TENM3: variants seen among roughly 807,000 people sequenced by gnomAD.
TENM3 encodes teneurin transmembrane protein 3.
TENM3 carries 63 observed loss-of-function variants against 255.1 expected under a neutral mutation model. That is an observed-to-expected ratio of 0.25 (90% CI 0.20 to 0.30). TENM3 has a LOEUF of 0.30. Ranked by LOEUF, TENM3 falls within the 10% of genes least tolerant of loss-of-function variation. The probability of loss-of-function intolerance (pLI) is 1.00; values close to 1 mark genes in which losing one functional copy is unlikely to be tolerated. For synonymous variants in TENM3, 1,306 were observed against 1,322.3 expected (o/e 0.99, Z 0.27); for missense variants, 2,929 against 3,461.1 (o/e 0.85, Z 3.86).
intron 1 of TENM3, 31 bp from the exon 2 acceptor site, chr4:182,323,915 C>T: frequency 1.1e-6 from 1 of 920,466 alleles, no homozygotes; most frequent in Non-Finnish European, 1.7e-6. Context: ...GAACGTCATG[C>T]TGACCTCATG....
At chr4:181,562,468 T>C in the TENM3 span, among the ~76,000 whole-genome samples, 3 of 152,208 alleles carry the variant, frequency 2.0e-5, no homozygotes, top group Non-Finnish European at 4.4e-5. Flanking sequence ...CATAATATTC[T>C]AGATGTGGGC....
At position 182,440,584 on chromosome 4, in the gene TENM3, C is replaced by A. The variant is rs1772397001; in HGVS notation, c.511+93655C>A. ...GTTCTCAGCTACCTCCACCCCCAGT[C>A]CTACAGAGGAAGTTCAGAGAAGAGC... On this transcript the variant is annotated intron_variant, in intron 3 of 27. Coordinates refer to ENST00000511685, the MANE Select transcript of TENM3 (RefSeq NM_001080477.4). 2.6e-5 allele frequency among the ~76,000 whole-genome samples: 4 copies of A among 152,072 alleles called. No individual in the cohort carries two copies. In the South Asian group the frequency reaches 8.3e-4, roughly 32 times the overall value.
At chr4:182,713,834 G>A (rs548460201) in intron 12 of TENM3, among the ~76,000 whole-genome samples, 2 of 152,328 alleles carry the variant, frequency 1.3e-5, no homozygotes, top group African/African-American at 4.8e-5. Context: ...CTGGCCTGCA[G>A]CTATTTAGTG....
At chr4:182,012,958 C>T in the TENM3 span, 1 of 151,986 alleles carries the variant, frequency 6.6e-6, no homozygotes, top group African/African-American at 2.4e-5. Flanking sequence ...TTTCACCTTG[C>T]ACTTTCATGG....
chr4:181,674,324 A>G, the TENM3 span, among the ~76,000 whole-genome samples: 1 of 152,102 alleles, frequency 6.6e-6, no homozygotes, highest in East Asian at 1.9e-4. Context: ...AGGACAAAAT[A>G]CAGACTTACT....
chr4:182,774,909 G>T lies in TENM3; in HGVS notation c.5069-9G>T. ...TAATAGTTCATGTTTTGTGCTTCTT[G>T]TTCTTTAGATCAGTTAAGAAACAGC... On this transcript the variant is annotated splice_polypyrimidine_tract_variant and intron_variant, in intron 23 of 27. Coordinates refer to ENST00000511685, the MANE Select transcript of TENM3 (RefSeq NM_001080477.4). 1.3e-6 allele frequency: 2 copies of T among 1,590,530 alleles called. No individual in the cohort carries two copies. Among genetic ancestry groups the T allele is most frequent in the Admixed American group, 1.7e-5 (1 of 59,164 alleles).
chr4:181,552,434 T>C, the TENM3 span, among the ~76,000 whole-genome samples: 2 of 152,190 alleles, frequency 1.3e-5, no homozygotes, highest in South Asian at 4.1e-4. Flanking sequence ...GATGGTGCAA[T>C]AGAAAGCCGA....
At position 182,793,996 on chromosome 4, in the gene TENM3, G is replaced by A. The variant is rs1007603374; in HGVS notation, c.7213+111G>A. 3 of 911,164 alleles carry A rather than the reference G, an allele frequency of 3.3e-6. No individual in the cohort carries two copies. The highest frequency in any genetic ancestry group is 4.9e-6 in the Non-Finnish European group (3 of 612,934). The allele number at this position is 911,164 out of a possible 1,614,324, so 56.4% of individuals were successfully genotyped here. The stretch of plus-strand genomic sequence containing the variant: ...AACTTTATACTTTACTCAGGCAAAG[G>A]CAAATGGCTAACCTTTTAAATGTGT... On this transcript the variant is annotated intron_variant, in intron 26 of 27. Transcript: ENST00000511685. This position sits in a 1 kb window ranked among gnomAD's most constrained non-coding sequence, Gnocchi z 5.7.
chr4:182,279,619 T>G (rs759804735), intron 1 of TENM3, among the ~76,000 whole-genome samples: 1 of 152,238 alleles, frequency 6.6e-6, no homozygotes, highest in African/African-American at 2.4e-5. Flanking sequence ...AATAAGGATG[T>G]AGGTCATGCT....
intron 5 of TENM3, among the ~76,000 whole-genome samples, chr4:182,630,787 A>G (rs766186457): frequency 4.0e-5 from 6 of 151,530 alleles, no homozygotes; most frequent in Non-Finnish European, 7.4e-5. Flanking sequence ...TTTTTTACTA[A>G]ATGGGGCACA....
intron 4 of TENM3, among the ~76,000 whole-genome samples, chr4:182,602,156 T>G (rs1747948914): frequency 6.6e-6 from 1 of 152,236 alleles, no homozygotes; most frequent in Non-Finnish European, 1.5e-5. Context: ...CAACCAACAG[T>G]GGTGTCTTAC....
At chr4:181,636,015 A>G in the TENM3 span, among the ~76,000 whole-genome samples, 2 of 152,082 alleles carry the variant, frequency 1.3e-5, no homozygotes, top group South Asian at 2.1e-4. Flanking sequence ...ATGTACACAC[A>G]TGTGGAAGGA....
the TENM3 span, among the ~76,000 whole-genome samples, chr4:181,605,533 AGAAAG>A: frequency 4.2e-5 from 1 of 24,082 alleles, no homozygotes; most frequent in African/African-American, 9.0e-5. Flanking sequence ...AAAGAAAGAA[AGAAAG>A]AAAGAAAGAA....
At chr4:181,953,377 T>G in the TENM3 span, among the ~76,000 whole-genome samples, 1 of 152,164 alleles carries the variant, frequency 6.6e-6, no homozygotes, top group Admixed American at 6.5e-5. Flanking sequence ...GTATCTATAC[T>G]TTGTTATATG....
the TENM3 span, among the ~76,000 whole-genome samples, chr4:182,108,070 T>C: frequency 6.6e-6 from 1 of 152,126 alleles, no homozygotes; most frequent in African/African-American, 2.4e-5. Flanking sequence ...ACGGGCTCCG[T>C]TCACCCCTGC....
the TENM3 span, among the ~76,000 whole-genome samples, chr4:181,742,488 A>AT: frequency 6.6e-6 from 1 of 152,058 alleles, no homozygotes; most frequent in Non-Finnish European, 1.5e-5. Flanking sequence ...AGCAAAACGA[A>AT]TTTTTTAAAA....
At chr4:182,363,994 G>T (rs935390424) in intron 3 of TENM3, among the ~76,000 whole-genome samples, 3 of 152,016 alleles carry the variant, frequency 2.0e-5, no homozygotes, top group African/African-American at 7.2e-5. Context: ...ATTGTGACTG[G>T]AGTACCATTG....
chr4:181,764,025 G>C, the TENM3 span, among the ~76,000 whole-genome samples: 1 of 152,134 alleles, frequency 6.6e-6, no homozygotes, highest in East Asian at 1.9e-4. Context: ...TTACTATTCT[G>C]TTTCCTTGGT....
the TENM3 span, among the ~76,000 whole-genome samples, chr4:181,574,424 G>C: frequency 1.3e-5 from 2 of 151,794 alleles, no homozygotes; most frequent in South Asian, 2.1e-4. Flanking sequence ...CCAGCTACTC[G>C]GGAGGCTGAG....
Sources: allele counts gnomAD v4.1 joint callset (sites outside exome capture counted in the v4.1 genomes callset), GRCh38; gene constraint gnomAD v4.1.1; non-coding constraint Gnocchi (gnomAD v3.1); transcripts MANE v1.5; gene names NCBI Gene and HGNC (gene_info 2026-07-23, HGNC 2026-07-21).